Variants in ABHD3 observed in about 807,000 individuals in gnomAD.
ABHD3 encodes the protein phospholipase ABHD3.
A neutral mutation model predicts 48.8 loss-of-function variants in ABHD3; 46 were observed. The ratio of observed to expected loss-of-function variants is 0.94; its 90% confidence interval spans 0.74 to 1.20. ABHD3 has a LOEUF of 1.20. ABHD3 is among the 50% of genes most tolerant of loss of function. The pLI, the probability that ABHD3 is intolerant of heterozygous loss-of-function variation, is 0.00. For missense variants in ABHD3, 490 were observed against 497.8 expected (o/e 0.98, Z 0.15); for synonymous variants, 192 against 183.7 (o/e 1.04, Z -0.36).
At chr18:21,678,822 C>T (rs753130960) in intron 4 of ABHD3, among the ~76,000 whole-genome samples, 11 of 152,104 alleles carry the variant, frequency 7.2e-5, no homozygotes, top group Non-Finnish European at 1.6e-4. Flanking sequence ...AGGAAACAGA[C>T]CCAAGGAGAA....
rs1477781757 is a variant in ABHD3, at chr18:21,704,037, G to T, written c.163-290C>A. Among the ~76,000 whole-genome samples the T allele has an allele frequency of 2.0e-5, 3 of 152,178 alleles. No individual in the cohort carries two copies. The East Asian group carries it at 5.8e-4, about 29-fold the overall frequency. On this transcript the variant is annotated intron_variant, in intron 1 of 8. Coordinates refer to ENST00000289119, the MANE Select transcript of ABHD3 (RefSeq NM_138340.5). ...CTCCCGAGTAGCTGGGATTGCAGGC[G>T]TCCGCCACCACGCCCGGCTAATTTT...
chr18:21,670,828 A>C (rs1220818413), intron 4 of ABHD3, among the ~76,000 whole-genome samples: 1 of 152,210 alleles, frequency 6.6e-6, no homozygotes, highest in East Asian at 1.9e-4. Flanking sequence ...CAGTCTGAAC[A>C]ACATGGTGAA....
At chr18:21,665,705 A>G (rs1423339816) in intron 4 of ABHD3, among the ~76,000 whole-genome samples, 1 of 151,410 alleles carries the variant, frequency 6.6e-6, no homozygotes, top group African/African-American at 2.4e-5. Flanking sequence ...CCAGCTACTC[A>G]GGAGGCTGAG....
chr18:21,698,925 C>T (rs565489357), intron 3 of ABHD3, among the ~76,000 whole-genome samples: 10 of 149,532 alleles, frequency 6.7e-5, no homozygotes, highest in African/African-American at 2.5e-4. Flanking sequence ...GGGCACCCAA[C>T]CAAGTACTTT....
chr18:21,675,427 C>T (rs2039859712), intron 4 of ABHD3, among the ~76,000 whole-genome samples: 1 of 151,884 alleles, frequency 6.6e-6, no homozygotes, highest in South Asian at 2.1e-4. Context: ...TGTTGCCACG[C>T]CCAGCTAATT....
At chr18:21,679,295 G>A (rs958801557) in intron 4 of ABHD3, among the ~76,000 whole-genome samples, 9 of 152,068 alleles carry the variant, frequency 5.9e-5, no homozygotes, top group Non-Finnish European at 7.4e-5. Context: ...AAATATCAAC[G>A]TTAGCTCTAA....
intron 3 of ABHD3, among the ~76,000 whole-genome samples, chr18:21,684,987 A>G (rs2040098775): frequency 6.6e-6 from 1 of 152,246 alleles, no homozygotes; most frequent in Non-Finnish European, 1.5e-5. Context: ...GCTATTAGTA[A>G]TAATGGTAGT....
intron 4 of ABHD3, among the ~76,000 whole-genome samples, chr18:21,683,205 C>T (rs531841288): frequency 6.6e-6 from 1 of 152,148 alleles, no homozygotes; most frequent in Non-Finnish European, 1.5e-5. Flanking sequence ...AGTTAAAAAG[C>T]TGAAGAAAAT....
intron 4 of ABHD3, among the ~76,000 whole-genome samples, chr18:21,667,097 C>T (rs1377179360): frequency 1.0e-5 from 1 of 98,108 alleles, no homozygotes; most frequent in Non-Finnish European, 1.8e-5. Flanking sequence ...TTTTTTGAGA[C>T]AAGTCTCGCT....
chr18:21,671,086 CCTG>C (rs1385653593), intron 4 of ABHD3, among the ~76,000 whole-genome samples: 10 of 152,162 alleles, frequency 6.6e-5, no homozygotes, highest in Non-Finnish European at 1.0e-4. Flanking sequence ...TGTTCTCAAT[CCTG>C]CTAATTGCCC....
intron 3 of ABHD3, among the ~76,000 whole-genome samples, chr18:21,698,042 G>C (rs905692339): frequency 1.3e-5 from 2 of 152,002 alleles, no homozygotes; most frequent in Non-Finnish European, 2.9e-5. Context: ...TGCACCCTGC[G>C]CCTCAGGGAT....
intron 5 of ABHD3, 26 bp from the exon 6 acceptor site, chr18:21,659,369 C>A (rs185368091): frequency 6.3e-7 from 1 of 1,591,298 alleles, no homozygotes; most frequent in East Asian, 2.2e-5. Context: ...ACAGGAAACT[C>A]AGTGATTAAT....
rs901518394 is a variant in ABHD3, at chr18:21,659,041, A to C, written c.842+129T>G. On this transcript the variant is annotated intron_variant, in intron 6 of 8. Coordinates refer to ENST00000289119, the MANE Select transcript of ABHD3 (RefSeq NM_138340.5). ...TTTTTGGTAGAGACGGGGTTTCACC[A>C]TGTTGGCCAGGATGGTCTCGATCTC... 7 of 892,902 alleles carry C rather than the reference A, an allele frequency of 7.8e-6. No individual in the cohort carries two copies. The African/African-American group carries it at 1.2e-4, about 16-fold the overall frequency. The allele number at this position is 892,902 out of a possible 1,614,324, so 55.3% of individuals were successfully genotyped here.
chr18:21,704,372 G>T lies in ABHD3; in HGVS notation c.162+132C>A, dbSNP rs1162575211. 7.0e-6 allele frequency: 7 copies of T among 1,001,132 alleles called. No individual in the cohort carries two copies. In the East Asian group the frequency reaches 1.1e-4, roughly 16 times the overall value. The allele number at this position is 1,001,132 out of a possible 1,614,324, so 62.0% of individuals were successfully genotyped here. ...GTTGGCTTTCCCGCGCGCGCTGGGG[G>T]CTGCCGCTCGGGAGCAGCTCGCCGC... On this transcript the variant is annotated intron_variant, in intron 1 of 8. Coordinates refer to ENST00000289119, the MANE Select transcript of ABHD3 (RefSeq NM_138340.5).
chr18:21,678,480 C>T (rs2039937633), intron 4 of ABHD3, among the ~76,000 whole-genome samples: 1 of 151,792 alleles, frequency 6.6e-6, no homozygotes, highest in African/African-American at 2.4e-5. Context: ...AGTTATAGAT[C>T]CTATAACTAA....
intron 4 of ABHD3, among the ~76,000 whole-genome samples, chr18:21,675,361 T>C (rs2039856796): frequency 6.8e-6 from 1 of 147,386 alleles, no homozygotes; most frequent in Non-Finnish European, 1.5e-5. Flanking sequence ...CTCTGCCTCC[T>C]GGGTTCAAGC....
chr18:21,697,924 G>C (rs536754792), intron 3 of ABHD3, among the ~76,000 whole-genome samples: 1 of 151,942 alleles, frequency 6.6e-6, no homozygotes, highest in African/African-American at 2.4e-5. Flanking sequence ...ATCATATCTC[G>C]TATCTCACCA....
At chr18:21,653,168 C>T (rs1037631468) in intron 8 of ABHD3, among the ~76,000 whole-genome samples, 47 of 144,718 alleles carry the variant, frequency 3.2e-4, no homozygotes, top group African/African-American at 1.2e-3. Context: ...TCAAGAACGG[C>T]CTGGCCAACA....
At chr18:21,700,420 CG>C (rs1312808242) in intron 3 of ABHD3, among the ~76,000 whole-genome samples, 1 of 142,622 alleles carries the variant, frequency 7.0e-6, no homozygotes, top group African/African-American at 2.6e-5. Flanking sequence ...TTTTTTGAGA[CG>C]GAGTTTTGCT....
Sources: allele counts gnomAD v4.1 joint callset (sites outside exome capture counted in the v4.1 genomes callset), GRCh38; gene constraint gnomAD v4.1.1; transcripts MANE v1.5; gene names NCBI Gene and HGNC (gene_info 2026-07-23, HGNC 2026-07-21).